The following RNF157 variants were observed in gnomAD, a reference collection of about 807,000 sequenced individuals.
RNF157 encodes E3 ubiquitin ligase RNF157.
In RNF157, 55 loss-of-function variants were observed where a neutral mutation model predicts 88.3. The observed-to-expected ratio is 0.62, with a 90% confidence interval of 0.50 to 0.78. The LOEUF (loss-of-function observed/expected upper bound fraction) is 0.78. Ranked by LOEUF, RNF157 falls within the 30% of genes least tolerant of loss-of-function variation. The pLI is 0.00. For synonymous variants in RNF157, 334 were observed against 341.2 expected (o/e 0.98, Z 0.23); for missense variants, 788 against 860.8 (o/e 0.92, Z 1.06).
chr17:76,226,589 T>C (rs2070090589), intron 1 of RNF157: 12 of 1,613,468 alleles, frequency 7.4e-6, no homozygotes, highest in Non-Finnish European at 9.3e-6. Context: ...CTCCTTGCTG[T>C]TGTTGGAGGG....
At chr17:76,197,198 G>A (rs1314625714) in intron 2 of RNF157, among the ~76,000 whole-genome samples, 2 of 152,212 alleles carry the variant, frequency 1.3e-5, no homozygotes, top group African/African-American at 4.8e-5. Context: ...TGTGGTGAAG[G>A]GGAATAGGAG....
At chr17:76,225,000 T>C (rs1389321648) in intron 1 of RNF157, among the ~76,000 whole-genome samples, 4 of 150,970 alleles carry the variant, frequency 2.6e-5, no homozygotes, top group South Asian at 2.1e-4. Context: ...GGTGAAACCC[T>C]GTCTCTACCA....
intron 2 of RNF157, among the ~76,000 whole-genome samples, chr17:76,185,902 T>C (rs1044737530): frequency 3.9e-5 from 6 of 152,304 alleles, no homozygotes; most frequent in Admixed American, 3.9e-4. Flanking sequence ...GCCTTGATAC[T>C]GTATGTATGT....
intron 2 of RNF157, among the ~76,000 whole-genome samples, chr17:76,207,867 A>G (rs542384380): frequency 6.6e-6 from 1 of 152,222 alleles, no homozygotes; most frequent in African/African-American, 2.4e-5. Context: ...GGAATTACAC[A>G]TGGAATACGA....
At chr17:76,156,586 C>G in intron 13 of RNF157, 4 of 950,308 alleles carry the variant, frequency 4.2e-6, no homozygotes, top group Non-Finnish European at 5.0e-6. Context: ...ACAAAGACTG[C>G]AGCTCGGGTG....
In RNF157 at chr17:76,176,238, A is replaced by G. The variant is rs144658637; in HGVS notation, c.208-2448T>C. 2.7e-3 allele frequency among the ~76,000 whole-genome samples: 406 copies of G among 152,338 alleles called. 6 individuals are homozygous for G. The highest frequency in any genetic ancestry group is 0.025 in the Admixed American group (386 of 15,288). ...AATTGTAATATCAAAGAGATTAAAT[A>G]TATGGATATTTTTTTGCCACAAAAG... On this transcript the variant is annotated intron_variant, in intron 2 of 18. Transcript: ENST00000269391. The surrounding 1 kb of genome is among the most constrained non-coding windows in gnomAD (Gnocchi z 4.2).
chr17:76,232,654 C>T (rs2070213406), intron 1 of RNF157, among the ~76,000 whole-genome samples: 1 of 152,162 alleles, frequency 6.6e-6, no homozygotes, highest in Admixed American at 6.5e-5. Context: ...TTATGTTCCA[C>T]TGTTTAAGAC....
Position 76,146,681 on chromosome 17 carries a change from A to G in RNF157, c.1922-1328T>C. On this transcript the variant is annotated intron_variant, in intron 18 of 18. Transcript: ENST00000269391. The surrounding 1 kb of genome is among the most constrained non-coding windows in gnomAD (Gnocchi z 4.2). ...AACTACTGCTCCACGCACACGTCAC[A>G]TGGCAGAAACCGCTAGGTCCTGGAG... is the stretch of plus-strand genomic sequence containing the variant. The G allele has an allele frequency of 1.0e-6, 1 of 985,462 alleles. No homozygotes were observed. The highest frequency in any genetic ancestry group is 1.2e-6 in the Non-Finnish European group (1 of 829,926). The allele number at this position is 985,462 out of a possible 1,614,324, so 61.0% of individuals were successfully genotyped here. A position where few individuals can be genotyped will look rare whatever the true frequency, so the allele number is the denominator to read the frequency against.
chr17:76,182,712 T>A (rs2069210026), intron 2 of RNF157, among the ~76,000 whole-genome samples: 1 of 146,264 alleles, frequency 6.8e-6, no homozygotes, highest in African/African-American at 2.6e-5. Context: ...AATCTTTTTT[T>A]AAAGTATATA....
In RNF157 at chr17:76,155,672, CA is replaced by C; in HGVS notation, c.1587del (p.Asp530ThrfsTer64). The C allele has an allele frequency of 6.2e-7, 1 of 1,613,130 alleles. No individual in the cohort carries two copies. Among genetic ancestry groups the C allele is most frequent in the South Asian group, 1.1e-5 (1 of 90,868 alleles). ...GAGCCAGACATGGAGGAGACGGTGT[CA>C]GTGCTGATCTGGGAGGATGCCATGG... ...VMSMASSQIS[T>X]DTVSSMSGSY... is the part of the protein sequence containing the mutation. On this transcript the variant is annotated frameshift_variant, in exon 15 of 19. Transcript: ENST00000269391. LOFTEE classifies it high-confidence loss of function.
chr17:76,240,149 T>C lies in RNF157; in HGVS notation c.88+4A>G. 2 of 1,336,594 alleles carry C rather than the reference T, an allele frequency of 1.5e-6. No homozygotes were observed. Among genetic ancestry groups the C allele is most frequent in the East Asian group, 2.9e-5 (1 of 34,746 alleles). The allele number at this position is 1,336,594 out of a possible 1,614,324, so 82.8% of individuals were successfully genotyped here. On this transcript the variant is annotated splice_donor_region_variant and intron_variant, in intron 1 of 18. Coordinates refer to ENST00000269391, the MANE Select transcript of RNF157 (RefSeq NM_052916.3). This position sits in a 1 kb window ranked among gnomAD's most constrained non-coding sequence, Gnocchi z 4.4. ...TCGCGGCTGCGGCGCCCGCCCGCCCTCACCGGACTTGGGCGGGTAGCGGTA... is the reference window on the plus strand; with the variant it reads ...TCGCGGCTGCGGCGCCCGCCCGCCCCCACCGGACTTGGGCGGGTAGCGGTA...
rs769941288 is a variant in RNF157 at position 76,176,688 on chromosome 17, A to T, written c.208-2898T>A. 3.6e-4 allele frequency among the ~76,000 whole-genome samples: 55 copies of T among 152,268 alleles called. No homozygotes were observed. The highest frequency in any genetic ancestry group is 7.5e-4 in the Non-Finnish European group (51 of 68,010). ...CCCCATGGGGCTGGCCGGGTTACCC[A>T]CCAGCAGAGGAGCAGCGTGGCAGAA... On this transcript the variant is annotated intron_variant, in intron 2 of 18. Coordinates refer to ENST00000269391, the MANE Select transcript of RNF157 (RefSeq NM_052916.3). The surrounding 1 kb of genome is among the most constrained non-coding windows in gnomAD (Gnocchi z 4.2).
At position 76,190,820 on chromosome 17, in the gene RNF157, A is replaced by C. The variant is rs532042694; in HGVS notation, c.208-17030T>G. 4.6e-4 allele frequency among the ~76,000 whole-genome samples: 69 copies of C among 149,208 alleles called. 2 individuals are homozygous for C. In the South Asian group the frequency reaches 0.014, roughly 30 times the overall value. On this transcript the variant is annotated intron_variant, in intron 2 of 18. Transcript: ENST00000269391. ...CTACTCCAGAGGCTGAGACAGAAGA[A>C]TGGCACGAACCCGGGAGGCGGAGCT...
chr17:76,185,129 T>C (rs1263632462), intron 2 of RNF157, among the ~76,000 whole-genome samples: 2 of 152,192 alleles, frequency 1.3e-5, no homozygotes, highest in Non-Finnish European at 2.9e-5. Context: ...TTGAGAATAC[T>C]GAGACTGGGC....
rs921765018 is a variant in RNF157 at position 76,164,881 on chromosome 17, C to T, written c.673-86G>A. On this transcript the variant is annotated intron_variant, in intron 7 of 18. Transcript: ENST00000269391. ...TTCTGTTACATCTCCCAGTTACAGTCGCCCTCCCTGATCTGCAGTTTCATT... is the reference window on the plus strand; with the variant it reads ...TTCTGTTACATCTCCCAGTTACAGTTGCCCTCCCTGATCTGCAGTTTCATT... The T allele has an allele frequency of 8.3e-5, 77 of 925,662 alleles. No homozygotes were observed. In the South Asian group the frequency reaches 1.0e-3, roughly 12 times the overall value. The allele number at this position is 925,662 out of a possible 1,614,324, so 57.3% of individuals were successfully genotyped here. A position where few individuals can be genotyped will look rare whatever the true frequency, so the allele number is the denominator to read the frequency against.
intron 2 of RNF157, among the ~76,000 whole-genome samples, chr17:76,209,721 C>G (rs1015181692): frequency 9.9e-5 from 15 of 152,090 alleles, no homozygotes; most frequent in African/African-American, 3.6e-4. Flanking sequence ...ATGCAAACAT[C>G]AAGTCCATGT....
At position 76,165,565 on chromosome 17, in the gene RNF157, G is replaced by C; in HGVS notation, c.629-20C>G. The C allele has an allele frequency of 6.2e-7, 1 of 1,614,010 alleles. No homozygotes were observed. Among genetic ancestry groups the C allele is most frequent in the Non-Finnish European group, 8.5e-7 (1 of 1,179,874 alleles). ...AATACTCTGAAAGAAACAAAGGCAC[G>C]TGAGTGAAGAAGCCCAAACAGCACA... On this transcript the variant is annotated intron_variant, in intron 6 of 18. Coordinates refer to ENST00000269391, the MANE Select transcript of RNF157 (RefSeq NM_052916.3).
rs1217124660 is a variant in RNF157 at position 76,195,337 on chromosome 17, C to T, written c.207+17027G>A. On this transcript the variant is annotated intron_variant, in intron 2 of 18. Transcript: ENST00000269391. This position sits in a 1 kb window ranked among gnomAD's most constrained non-coding sequence, Gnocchi z 4.4. Reference sequence around the variant, plus strand: ...CTGTCTCTCCAACTTCATTGGTTATCGGGAAAATGAAAATAAATTCTACAA... The same window carrying T: ...CTGTCTCTCCAACTTCATTGGTTATTGGGAAAATGAAAATAAATTCTACAA... Among the ~76,000 whole-genome samples the T allele has an allele frequency of 2.6e-5, 4 of 151,964 alleles. No individual in the cohort carries two copies. Among genetic ancestry groups the T allele is most frequent in the Non-Finnish European group, 5.9e-5 (4 of 68,008 alleles).
chr17:76,212,588 G>A (rs942320826), intron 1 of RNF157, 106 bp from the exon 2 acceptor site: 7 of 710,260 alleles, frequency 9.9e-6, no homozygotes, highest in Admixed American at 5.0e-5. Context: ...TGGGCTGTGC[G>A]TGGTGGCTCA....
Sources: gnomAD v4.1 joint callset for allele counts (sites outside exome capture counted in the v4.1 genomes callset) on GRCh38, gnomAD v4.1.1 for gene constraint, Gnocchi (gnomAD v3.1) non-coding constraint, MANE v1.5 for transcripts, NCBI Gene and HGNC (gene_info 2026-07-23, HGNC 2026-07-21) for gene names.